MGST2: variants seen among roughly 807,000 people sequenced by gnomAD.
MGST2 encodes the protein glutathione peroxidase MGST2.
Under a neutral mutation model 16.6 loss-of-function variants are expected in MGST2, and 9 were observed. The ratio of observed to expected loss-of-function variants is 0.54; its 90% confidence interval spans 0.33 to 0.95. The LOEUF is 0.95. Ranked by LOEUF, MGST2 falls within the 40% of genes least tolerant of loss-of-function variation. The probability of loss-of-function intolerance (pLI) is 0.03; values close to 1 mark genes in which losing one functional copy is unlikely to be tolerated. For synonymous variants in MGST2, 79 were observed against 68.0 expected (o/e 1.16, Z -0.79); for missense variants, 159 against 175.1 (o/e 0.91, Z 0.52).
At chr4:139,719,751 G>T in intron 5 of MGST2, 1 of 1,613,752 alleles carries the variant, frequency 6.2e-7, no homozygotes, top group Non-Finnish European at 8.5e-7. Context: ...TGCTTGGTCA[G>T]TCTCGGCTGC....
In MGST2 at chr4:139,703,451, A is replaced by G. The variant is rs1377245253; in HGVS notation, c.230-4A>G. On this transcript the variant is annotated splice_polypyrimidine_tract_variant and splice_region_variant and intron_variant, in intron 3 of 4. Coordinates refer to ENST00000265498, the MANE Select transcript of MGST2 (RefSeq NM_002413.5). Reference sequence around the variant, plus strand: ...TTTTCTTTTTTTTTCCCACCCCCCTATAGTTTTTGCTACTTGTCTGGGTCT... The same window carrying G: ...TTTTCTTTTTTTTTCCCACCCCCCTGTAGTTTTTGCTACTTGTCTGGGTCT... The G allele has an allele frequency of 6.8e-6, 11 of 1,612,586 alleles. No individual in the cohort carries two copies. In the Admixed American group the frequency reaches 1.2e-4, roughly 17 times the overall value.
chr4:139,666,535 T>C (rs1183890903), intron 1 of MGST2, among the ~76,000 whole-genome samples: 2 of 152,200 alleles, frequency 1.3e-5, no homozygotes, highest in East Asian at 3.8e-4. Context: ...ATAAACTGCC[T>C]ATGGTGGTAT....
chr4:139,727,386 A>C (rs1188895455), intron 5 of MGST2, among the ~76,000 whole-genome samples: 1 of 152,226 alleles, frequency 6.6e-6, no homozygotes, highest in Non-Finnish European at 1.5e-5. Context: ...CCTCAGTCAA[A>C]CTTCCCATAT....
chr4:139,702,105 G>A (rs977385349), intron 3 of MGST2, among the ~76,000 whole-genome samples: 11 of 152,190 alleles, frequency 7.2e-5, no homozygotes, highest in African/African-American at 2.7e-4. Flanking sequence ...GGAAGAGAGT[G>A]GGGCCCTAAC....
chr4:139,719,426 A>T, intron 5 of MGST2: 1 of 1,613,994 alleles, frequency 6.2e-7, no homozygotes, highest in Non-Finnish European at 8.5e-7. Flanking sequence ...GAGGCCAGGG[A>T]AGGAACCCCC....
the MGST2 span, among the ~76,000 whole-genome samples, chr4:139,746,196 G>A: frequency 6.6e-6 from 1 of 152,112 alleles, no homozygotes; most frequent in East Asian, 1.9e-4. Flanking sequence ...CAACAGAAAT[G>A]GTATGTTATA....
chr4:139,693,404 C>CAAAAA (rs55723907), intron 2 of MGST2, among the ~76,000 whole-genome samples: 2 of 66,768 alleles, frequency 3.0e-5, no homozygotes, highest in Admixed American at 1.7e-4. Flanking sequence ...GACTACGTCT[C>CAAAAA]AAAAAAAAAA....
At chr4:139,693,770 T>G (rs573807817) in intron 2 of MGST2, among the ~76,000 whole-genome samples, 1 of 152,324 alleles carries the variant, frequency 6.6e-6, no homozygotes, top group East Asian at 1.9e-4. Context: ...AAGACATTCC[T>G]TGGGTCACCA....
rs1212064358 is a variant in MGST2 at position 139,703,564 on chromosome 4, T to C, written c.311+28T>C. 3.8e-6 allele frequency: 6 copies of C among 1,594,262 alleles called. No individual in the cohort carries two copies. In the South Asian group the frequency reaches 5.5e-5, roughly 15 times the overall value. ...AAGGAGAACCCAGTAATTTTGTATTTATGCAAAAAGTAGCAGGATAAGGTC... is the reference window on the plus strand; with the variant it reads ...AAGGAGAACCCAGTAATTTTGTATTCATGCAAAAAGTAGCAGGATAAGGTC... On this transcript the variant is annotated intron_variant, in intron 4 of 4. Coordinates refer to ENST00000265498, the MANE Select transcript of MGST2 (RefSeq NM_002413.5).
intron 3 of MGST2, among the ~76,000 whole-genome samples, chr4:139,700,127 C>CTT (rs56662682): frequency 0.016 from 1,362 of 82,982 alleles, 26 homozygotes; most frequent in Non-Finnish European, 0.021. Flanking sequence ...TTTGGTTTTG[C>CTT]TTTTTTTTTT....
the MGST2 span, among the ~76,000 whole-genome samples, chr4:139,746,201 G>A: frequency 2.0e-5 from 3 of 152,260 alleles, no homozygotes; most frequent in South Asian, 4.1e-4. Context: ...GAAATGGTAT[G>A]TTATATTTTT....
chr4:139,665,974 C>A lies in MGST2; in HGVS notation c.-46C>A. 2 of 1,598,980 alleles carry A rather than the reference C, an allele frequency of 1.3e-6. No individual in the cohort carries two copies. Among genetic ancestry groups the A allele is most frequent in the South Asian group, 1.1e-5 (1 of 90,530 alleles). ...AAGGTCAGCATTCAAAGTCAAGAAG[C>A]GCCATTTATCTTCCCGTGCGCTCTA... On this transcript the variant is annotated 5_prime_UTR_variant, in exon 1 of 5. Coordinates refer to ENST00000265498, the MANE Select transcript of MGST2 (RefSeq NM_002413.5).
At chr4:139,671,130 A>G (rs1057416357) in intron 1 of MGST2, among the ~76,000 whole-genome samples, 1 of 152,032 alleles carries the variant, frequency 6.6e-6, no homozygotes, top group Admixed American at 6.6e-5. Context: ...TTTAACCTTA[A>G]TCCTGGGCAG....
chr4:139,739,271 G>A (rs975738902), intron 5 of MGST2, among the ~76,000 whole-genome samples: 62 of 152,330 alleles, frequency 4.1e-4, no homozygotes, highest in African/African-American at 1.4e-3. Context: ...GCAGTCCAGT[G>A]CTAAATGTGA....
rs562665687 is a variant in MGST2 at position 139,673,752 on chromosome 4, C to T, written c.59-4791C>T. On this transcript the variant is annotated intron_variant, in intron 1 of 4. Coordinates refer to ENST00000265498, the MANE Select transcript of MGST2 (RefSeq NM_002413.5). ...TTGAGATAGGGTCACACCATGTTGC[C>T]CAGGCTGGTCTTGAACTCCTAGTCT... 5.3e-5 allele frequency among the ~76,000 whole-genome samples: 8 copies of T among 152,172 alleles called. No individual in the cohort carries two copies. In the East Asian group the frequency reaches 1.4e-3, roughly 26 times the overall value.
chr4:139,735,819 A>G lies in MGST2; in HGVS notation c.*49-4393A>G, dbSNP rs1728917655. On this transcript the variant is annotated intron_variant, in intron 5 of 5. Transcript: ENST00000616265. The surrounding 1 kb of genome is among the most constrained non-coding windows in gnomAD (Gnocchi z 5.8). ...GCCTCTCGGCGCAGGCGGCCCTAACAAAGAAGCCCACGAGGCGGTCCCGGG... is the reference window on the plus strand; with the variant it reads ...GCCTCTCGGCGCAGGCGGCCCTAACGAAGAAGCCCACGAGGCGGTCCCGGG... Among the ~76,000 whole-genome samples the G allele has an allele frequency of 6.6e-6, 1 of 151,872 alleles. No individual in the cohort carries two copies. The highest frequency in any genetic ancestry group is 6.6e-5 in the Admixed American group (1 of 15,266).
chr4:139,685,720 A>G (rs920362902), intron 2 of MGST2, among the ~76,000 whole-genome samples: 3 of 152,260 alleles, frequency 2.0e-5, no homozygotes, highest in South Asian at 2.1e-4. Flanking sequence ...CTGGAGTGCA[A>G]TGGCGCAATC....
intron 5 of MGST2, chr4:139,718,897 C>G (rs1317628103): frequency 5.8e-6 from 1 of 171,512 alleles, no homozygotes; most frequent in Admixed American, 5.5e-5. Flanking sequence ...CTGGCTGAGG[C>G]TCTGTCTCTT....
At chr4:139,718,233 T>C (rs1002131586) in intron 5 of MGST2, 1 of 152,220 alleles carries the variant, frequency 6.6e-6, no homozygotes, top group African/African-American at 2.4e-5. Context: ...TCCAGGCAGA[T>C]ATTCATTCAA....
Sources: gnomAD v4.1 joint callset for allele counts (sites outside exome capture counted in the v4.1 genomes callset) on GRCh38, gnomAD v4.1.1 for gene constraint, Gnocchi (gnomAD v3.1) non-coding constraint, MANE v1.5 for transcripts, NCBI Gene and HGNC (gene_info 2026-07-23, HGNC 2026-07-21) for gene names.